The following CTXN2 variants were observed in gnomAD, a reference collection of about 807,000 sequenced individuals.
CTXN2 encodes cortexin 2.
CTXN2 carries 3 observed loss-of-function variants against 5.7 expected under a neutral mutation model. The observed-to-expected ratio is 0.53, with a 90% confidence interval of 0.24 to 1.36. The LOEUF (loss-of-function observed/expected upper bound fraction) is 1.36, where lower values mean the gene tolerates loss of function less well. CTXN2 is among the 40% of genes most tolerant of loss of function. The probability of loss-of-function intolerance (pLI) is 0.17; values close to 1 mark genes in which losing one functional copy is unlikely to be tolerated. For synonymous variants in CTXN2, 38 were observed against 36.4 expected (o/e 1.04, Z -0.16); for missense variants, 87 against 93.0 (o/e 0.94, Z 0.26).
chr15:48,187,849 C>T (rs1296691666), upstream of CTXN2, among the ~76,000 whole-genome samples: 2 of 152,082 alleles, frequency 1.3e-5, no homozygotes, highest in Non-Finnish European at 2.9e-5. Context: ...ATAAGGGACA[C>T]TATTTAGAGT....
At chr15:48,194,510 C>T (rs747984245) in intron 1 of CTXN2, among the ~76,000 whole-genome samples, 1 of 152,028 alleles carries the variant, frequency 6.6e-6, no homozygotes, top group Admixed American at 6.6e-5. Flanking sequence ...AACCATAAGA[C>T]CCTGTTTTCC....
At chr15:48,193,192 G>T (rs982056706) in intron 1 of CTXN2, among the ~76,000 whole-genome samples, 2 of 152,096 alleles carry the variant, frequency 1.3e-5, no homozygotes, top group Non-Finnish European at 2.9e-5. Flanking sequence ...AGAAATCTTG[G>T]TGCCTGACAA....
Position 48,201,253 on chromosome 15 carries a change from T to G in CTXN2, c.-48T>G. On this transcript the variant is annotated 5_prime_UTR_variant, in exon 2 of 2. Coordinates refer to ENST00000417307, the MANE Select transcript of CTXN2 (RefSeq NM_001145668.2). The stretch of plus-strand genomic sequence containing the variant: ...CCAATTTTGTACCTAGGCAAAGAGT[T>G]GATTCCAGAAGGAACTGTGAAGAGC... The G allele has an allele frequency of 1.9e-6, 3 of 1,543,320 alleles. No individual in the cohort carries two copies. Among genetic ancestry groups the G allele is most frequent in the Non-Finnish European group, 2.6e-6 (3 of 1,141,310 alleles).
chr15:48,190,268 A>G (rs940660850), upstream of CTXN2: 2 of 152,226 alleles, frequency 1.3e-5, no homozygotes, highest in African/African-American at 4.8e-5. Flanking sequence ...ATACTTCAAG[A>G]AGCACTGTTC....
chr15:48,179,551 A>C (rs1362374797), intron 1 of CTXN2, among the ~76,000 whole-genome samples: 1 of 152,206 alleles, frequency 6.6e-6, no homozygotes, highest in East Asian at 1.9e-4. Context: ...CAGAAAGGGC[A>C]TTCAATTGTG....
intron 1 of CTXN2, chr15:48,192,473 C>G (rs938152312): frequency 1.3e-5 from 2 of 152,248 alleles, no homozygotes; most frequent in Non-Finnish European, 2.9e-5. Flanking sequence ...TCCTTTTATT[C>G]CAACACATTC....
chr15:48,194,691 G>A (rs774394211), intron 1 of CTXN2, among the ~76,000 whole-genome samples: 34 of 152,088 alleles, frequency 2.2e-4, no homozygotes, highest in Non-Finnish European at 4.6e-4. Flanking sequence ...ATTCCTTGGA[G>A]TTCCTTGCTA....
intron 1 of CTXN2, among the ~76,000 whole-genome samples, chr15:48,181,422 C>T (rs1451512653): frequency 6.6e-6 from 1 of 152,184 alleles, no homozygotes; most frequent in African/African-American, 2.4e-5. Flanking sequence ...TCACACAACA[C>T]TTCCGCTTAT....
chr15:48,203,694 A>C lies in CTXN2; in HGVS notation c.*2148A>C, dbSNP rs1026299315. On this transcript the variant is annotated 3_prime_UTR_variant, in exon 2 of 2. Transcript: ENST00000417307. ...GAAGTTCAACTCCCATAAGCTTTTC[A>C]AGTATATTAACTCTACCATAATATT... is the stretch of plus-strand genomic sequence containing the variant. 1.8e-5 allele frequency: 3 copies of C among 167,002 alleles called. No individual in the cohort carries two copies. Among genetic ancestry groups the C allele is most frequent in the South Asian group, 2.1e-4 (1 of 4,818 alleles). The allele number at this position is 167,002 out of a possible 1,614,324, so 10.3% of individuals were successfully genotyped here.
intron 1 of CTXN2, among the ~76,000 whole-genome samples, chr15:48,193,703 T>G (rs1337166288): frequency 6.6e-6 from 1 of 152,140 alleles, no homozygotes; most frequent in East Asian, 1.9e-4. Flanking sequence ...TAATTGTGAA[T>G]GAATCAGTTT....
In CTXN2 at chr15:48,196,592, T is replaced by G. The variant is rs550646080; in HGVS notation, c.-57-4652T>G. 1.1e-4 allele frequency among the ~76,000 whole-genome samples: 16 copies of G among 152,204 alleles called. No individual in the cohort carries two copies. The South Asian group carries it at 2.9e-3, about 28-fold the overall frequency. On this transcript the variant is annotated intron_variant, in intron 1 of 1. Transcript: ENST00000417307. The stretch of plus-strand genomic sequence containing the variant: ...TCATATCTTCCCCACAAAGATATCA[T>G]GGGAGACTGTTAAATGCATTGCCAA...
rs781460161 is a variant in CTXN2, at chr15:48,191,686, A to T, written c.-225A>T. 1 of 455,806 alleles carries T rather than the reference A, an allele frequency of 2.2e-6. No individual in the cohort carries two copies. The highest frequency in any genetic ancestry group is 4.4e-6 in the Non-Finnish European group (1 of 226,752). 28.2% of individuals were successfully genotyped at this position (455,806 alleles called of 1,614,324 possible). ...CTCTGTCTCACCAACAGACACAGAC[A>T]TTTACACTTCTAGGCCAGGAAAGCG... On this transcript the variant is annotated 5_prime_UTR_variant, in exon 1 of 2. Transcript: ENST00000417307.
At chr15:48,185,651 A>T (rs1008976195) in intron 1 of CTXN2, among the ~76,000 whole-genome samples, 5 of 152,212 alleles carry the variant, frequency 3.3e-5, no homozygotes, top group African/African-American at 9.6e-5. Flanking sequence ...AATTTGTTTG[A>T]GTTAGGAAAG....
upstream of CTXN2, among the ~76,000 whole-genome samples, chr15:48,186,768 G>A (rs2040760565): frequency 6.6e-6 from 1 of 151,900 alleles, no homozygotes; most frequent in Non-Finnish European, 1.5e-5. Context: ...AAATTAGCCA[G>A]GCCTGATGGC....
chr15:48,192,741 G>A (rs919185563), intron 1 of CTXN2, among the ~76,000 whole-genome samples: 2 of 152,052 alleles, frequency 1.3e-5, no homozygotes, highest in Non-Finnish European at 2.9e-5. Context: ...CACTCTAATA[G>A]TTATTATTTC....
chr15:48,200,560 ATGG>A (rs2040920077), intron 1 of CTXN2, among the ~76,000 whole-genome samples: 1 of 152,122 alleles, frequency 6.6e-6, no homozygotes, highest in Non-Finnish European at 1.5e-5. Flanking sequence ...GCTAATGGAG[ATGG>A]TGGGGAGGTG....
chr15:48,191,378 T>G (rs1330864119), upstream of CTXN2: 1 of 182,858 alleles, frequency 5.5e-6, no homozygotes, highest in Non-Finnish European at 1.2e-5. Flanking sequence ...GAAATCTAAT[T>G]GCTAACCTTC....
At chr15:48,200,952 G>A (rs1401517261) in intron 1 of CTXN2, among the ~76,000 whole-genome samples, 1 of 152,104 alleles carries the variant, frequency 6.6e-6, no homozygotes, top group Non-Finnish European at 1.5e-5. Flanking sequence ...TAACTGTCTA[G>A]CAATGAATCA....
chr15:48,201,235 T>C lies in CTXN2; in HGVS notation c.-57-9T>C. 3.9e-6 allele frequency: 6 copies of C among 1,520,928 alleles called. No individual in the cohort carries two copies. The highest frequency in any genetic ancestry group is 5.3e-6 in the Non-Finnish European group (6 of 1,124,772). The allele number at this position is 1,520,928 out of a possible 1,614,324, so 94.2% of individuals were successfully genotyped here. On this transcript the variant is annotated splice_polypyrimidine_tract_variant and intron_variant, in intron 1 of 1. Coordinates refer to ENST00000417307, the MANE Select transcript of CTXN2 (RefSeq NM_001145668.2). ...GGTAAAACTAAACTGAGTCCAATTT[T>C]GTACCTAGGCAAAGAGTTGATTCCA...
Sources: allele counts gnomAD v4.1 joint callset (sites outside exome capture counted in the v4.1 genomes callset), GRCh38; gene constraint gnomAD v4.1.1; transcripts MANE v1.5; gene names NCBI Gene and HGNC (gene_info 2026-07-23, HGNC 2026-07-21).